Variants in ELOVL2 observed in about 807,000 individuals in gnomAD.
The protein encoded by ELOVL2 is ELOVL fatty acid elongase 2.
ELOVL2 carries 38 observed loss-of-function variants against 37.7 expected under a neutral mutation model. The ratio of observed to expected loss-of-function variants is 1.01; its 90% CI spans 0.78 to 1.32. ELOVL2 has a LOEUF of 1.32. ELOVL2 is among the 40% of genes most tolerant of loss of function. ELOVL2 has a pLI of 0.00. For synonymous variants in ELOVL2, 115 were observed against 122.3 expected (o/e 0.94, Z 0.40); for missense variants, 352 against 363.6 (o/e 0.97, Z 0.26).
intron 4 of ELOVL2, among the ~76,000 whole-genome samples, chr6:10,998,440 A>T (rs935826829): frequency 2.0e-5 from 3 of 152,066 alleles, no homozygotes; most frequent in African/African-American, 7.2e-5. Flanking sequence ...CTTTCCCTCT[A>T]ATTTTTTTTT....
At chr6:11,000,252 C>G in intron 3 of ELOVL2, 88 bp from the exon 4 acceptor site, 1 of 1,252,638 alleles carries the variant, frequency 8.0e-7, no homozygotes, top group Non-Finnish European at 1.1e-6. Context: ...TCTCTGGCAT[C>G]TGTTCAAGGT....
intron 1 of ELOVL2, among the ~76,000 whole-genome samples, chr6:11,028,717 T>C (rs1782873142): frequency 6.6e-6 from 1 of 152,004 alleles, no homozygotes; most frequent in Non-Finnish European, 1.5e-5. Flanking sequence ...AATATATTTA[T>C]TATAAAGAAC....
intron 1 of ELOVL2, among the ~76,000 whole-genome samples, chr6:11,029,774 T>G (rs1371228772): frequency 6.6e-6 from 1 of 152,178 alleles, no homozygotes; most frequent in Non-Finnish European, 1.5e-5. Flanking sequence ...CAAAGGTCAA[T>G]TAGTTTTTGT....
chr6:11,008,029 T>A (rs537886515), intron 2 of ELOVL2, among the ~76,000 whole-genome samples: 1 of 152,270 alleles, frequency 6.6e-6, no homozygotes, highest in South Asian at 2.1e-4. Flanking sequence ...TTCCTCTGAG[T>A]CAGTATTTGC....
At chr6:10,987,024 A>G (rs995331573) in intron 7 of ELOVL2, among the ~76,000 whole-genome samples, 1 of 152,190 alleles carries the variant, frequency 6.6e-6, no homozygotes, top group African/African-American at 2.4e-5. Context: ...CCACAATTTC[A>G]GAGCCTGTTA....
intron 1 of ELOVL2, among the ~76,000 whole-genome samples, chr6:11,039,995 CA>C (rs1338439340): frequency 6.6e-6 from 1 of 151,730 alleles, no homozygotes; most frequent in African/African-American, 2.4e-5. Flanking sequence ...AAAGAGTCTA[CA>C]AAAGAGGAGA....
intron 1 of ELOVL2, among the ~76,000 whole-genome samples, chr6:11,023,765 T>C (rs534004007): frequency 6.6e-6 from 1 of 152,108 alleles, no homozygotes; most frequent in African/African-American, 2.4e-5. Context: ...TTCTAGGAGG[T>C]AAAGGAAAAT....
At chr6:10,994,491 TATGA>T (rs1381228511) in intron 5 of ELOVL2, among the ~76,000 whole-genome samples, 2 of 109,526 alleles carry the variant, frequency 1.8e-5, no homozygotes, top group Non-Finnish European at 3.7e-5. Flanking sequence ...AAAGAACAAA[TATGA>T]ATGAGTGCAC....
chr6:11,016,108 C>T (rs1782680675), intron 1 of ELOVL2, among the ~76,000 whole-genome samples: 1 of 143,672 alleles, frequency 7.0e-6, no homozygotes, highest in African/African-American at 2.6e-5. Flanking sequence ...TTATTCTTTC[C>T]TTTCTTTCTT....
intron 1 of ELOVL2, among the ~76,000 whole-genome samples, chr6:11,025,875 A>G (rs1158816965): frequency 1.3e-5 from 2 of 152,224 alleles, no homozygotes; most frequent in Admixed American, 1.3e-4. Flanking sequence ...GCTTTTTAGA[A>G]CTGTATCATT....
chr6:10,986,038 T>C (rs1390841686), intron 7 of ELOVL2, among the ~76,000 whole-genome samples: 2 of 152,240 alleles, frequency 1.3e-5, no homozygotes, highest in Non-Finnish European at 2.9e-5. Context: ...CAGTGTTTTG[T>C]AGTTCTCCTT....
At chr6:11,030,255 A>G (rs1191919112) in intron 1 of ELOVL2, among the ~76,000 whole-genome samples, 1 of 152,172 alleles carries the variant, frequency 6.6e-6, no homozygotes, top group Non-Finnish European at 1.5e-5. Context: ...CAGTCAGCCA[A>G]GAAGGAAGGA....
In ELOVL2 at chr6:11,019,036, T is replaced by A. The variant is rs9366712; in HGVS notation, c.4-8227A>T. ...CTGCTTAGGGAAGGGTACAAAGAGGTTTGTGCCTTCTTGATCAGGATAGTA... is the reference window on the plus strand; with the variant it reads ...CTGCTTAGGGAAGGGTACAAAGAGGATTGTGCCTTCTTGATCAGGATAGTA... On this transcript the variant is annotated intron_variant, in intron 1 of 7. Transcript: ENST00000354666. 3.3e-5 allele frequency among the ~76,000 whole-genome samples: 5 copies of A among 152,182 alleles called. No homozygotes were observed. The East Asian group carries it at 9.7e-4, about 29-fold the overall frequency.
At chr6:10,990,502 G>GCTAGAGAGACAAAATATATTGCTT in intron 5 of ELOVL2, 60 bp from the exon 6 acceptor site, 2 of 1,479,950 alleles carry the variant, frequency 1.4e-6, no homozygotes, top group Non-Finnish European at 1.8e-6. Flanking sequence ...ATTCTTCTTT[G>GCTAGAGAGACAAAATATATTGCTT]TCAAGTGAGA....
chr6:11,004,350 T>C (rs1782443595), intron 3 of ELOVL2, among the ~76,000 whole-genome samples: 1 of 152,084 alleles, frequency 6.6e-6, no homozygotes, highest in South Asian at 2.1e-4. Context: ...GCTTATAGCT[T>C]GTATGAATGA....
chr6:11,010,473 G>A (rs541094546), intron 2 of ELOVL2, among the ~76,000 whole-genome samples: 1 of 152,354 alleles, frequency 6.6e-6, no homozygotes, highest in South Asian at 2.1e-4. Context: ...ACCCGGCTTT[G>A]TAGCCAGACA....
chr6:10,990,276 C>A (rs765222989), intron 6 of ELOVL2, 42 bp downstream of exon 6: 1 of 1,599,252 alleles, frequency 6.3e-7, no homozygotes, highest in African/African-American at 1.3e-5. Context: ...TTTCCCCATC[C>A]ATAAGCCACA....
intron 5 of ELOVL2, 120 bp downstream of exon 5, chr6:10,994,887 G>A: frequency 1.3e-6 from 1 of 775,478 alleles, no homozygotes. Context: ...CTGCGGCAAG[G>A]CCGGCGCTCT....
At chr6:11,017,881 A>T (rs1782708696) in intron 1 of ELOVL2, among the ~76,000 whole-genome samples, 1 of 152,226 alleles carries the variant, frequency 6.6e-6, no homozygotes, top group Non-Finnish European at 1.5e-5. Context: ...CATAATGGGC[A>T]CTTAATATTT....
Sources: allele counts gnomAD v4.1 joint callset (sites outside exome capture counted in the v4.1 genomes callset), GRCh38; gene constraint gnomAD v4.1.1; transcripts MANE v1.5; gene names NCBI Gene and HGNC (gene_info 2026-07-23, HGNC 2026-07-21).